ABR: variants seen among roughly 807,000 people sequenced by gnomAD.
The protein encoded by ABR is active breakpoint cluster region-related protein.
A neutral mutation model predicts 107.2 loss-of-function variants in ABR; 35 were observed. That is an observed-to-expected ratio of 0.33 (90% CI 0.25 to 0.43). The LOEUF (loss-of-function observed/expected upper bound fraction) is 0.43, where lower values mean the gene tolerates loss of function less well. ABR is among the 20% of genes least tolerant of loss of function. The probability of loss-of-function intolerance (pLI) is 1.00; values close to 1 mark genes in which losing one functional copy is unlikely to be tolerated. For missense variants in ABR, 815 were observed against 1,115.2 expected (o/e 0.73, Z 3.83); for synonymous variants, 498 against 462.0 (o/e 1.08, Z -1.00).
intron 2 of ABR, chr17:1,109,207 T>C (rs138356399): frequency 0.28 from 326,510 of 1,177,816 alleles, 47,529 homozygotes; most frequent in East Asian, 0.44. Context: ...GACCCGGGAC[T>C]GCATCCCGGA....
intron 16 of ABR, among the ~76,000 whole-genome samples, chr17:1,023,880 C>T (rs1234731047): frequency 1.3e-5 from 2 of 152,046 alleles, no homozygotes; most frequent in Non-Finnish European, 2.9e-5. Context: ...CAAAAATTAC[C>T]CCGGCGTGGT....
rs1161193936 is a variant in ABR at position 1,027,835 on chromosome 17, A to G, written c.1792-14671T>C. Among the ~76,000 whole-genome samples the G allele has an allele frequency of 6.6e-6, 1 of 151,894 alleles. No individual in the cohort carries two copies. Among genetic ancestry groups the G allele is most frequent in the African/African-American group, 2.4e-5 (1 of 41,344 alleles). On this transcript the variant is annotated intron_variant, in intron 16 of 22. Transcript: ENST00000302538. This position sits in a 1 kb window ranked among gnomAD's most constrained non-coding sequence, Gnocchi z 4.7. ...GCGGTGGGCAGCCGGGCCAGGCCAG[A>G]CTTCTATTGCAGAAGGCTGCGAGAT... is the stretch of plus-strand genomic sequence containing the variant.
chr17:1,109,020 C>T (rs765650415), intron 2 of ABR: 5 of 1,597,298 alleles, frequency 3.1e-6, no homozygotes, highest in African/African-American at 1.4e-5. Context: ...ACATCTTCGT[C>T]CTCCAGAACC....
At position 1,133,671 on chromosome 17, in the gene ABR, A is replaced by G. The variant is rs1053182588; in HGVS notation, c.62-8304T>C. Among the ~76,000 whole-genome samples, 10 of 152,214 alleles carry G rather than the reference A, an allele frequency of 6.6e-5. No homozygotes were observed. In the South Asian group the frequency reaches 8.3e-4, roughly 13 times the overall value. On this transcript the variant is annotated intron_variant, in intron 1 of 22. Coordinates refer to ENST00000302538, the MANE Select transcript of ABR (RefSeq NM_021962.5). ...TTCCGATTCTGGAAATTTTGAAAAAATTAATGTACGGTCTCTGCGCTCTAG... is the reference window on the plus strand; with the variant it reads ...TTCCGATTCTGGAAATTTTGAAAAAGTTAATGTACGGTCTCTGCGCTCTAG...
In ABR at chr17:1,070,158, G is replaced by T; in HGVS notation, c.895-68C>A. 1.9e-6 allele frequency: 3 copies of T among 1,592,552 alleles called. No individual in the cohort carries two copies. Among genetic ancestry groups the T allele is most frequent in the Non-Finnish European group, 2.6e-6 (3 of 1,167,850 alleles). On this transcript the variant is annotated intron_variant, in intron 8 of 22. Coordinates refer to ENST00000302538, the MANE Select transcript of ABR (RefSeq NM_021962.5). The surrounding 1 kb of genome is among the most constrained non-coding windows in gnomAD (Gnocchi z 4.2). ...GCGGCCGAGGGCAGAGCCTGCACAC[G>T]GGGGCACGGCCAGCCAGGGAGGACT...
rs111943779 is a variant in ABR at position 1,016,744 on chromosome 17, A to T, written c.1792-3580T>A. On this transcript the variant is annotated intron_variant, in intron 16 of 22. Coordinates refer to ENST00000302538, the MANE Select transcript of ABR (RefSeq NM_021962.5). ...ACAGGATGGCGAGATGCTGGCTCTCAGGCAGATGGCTTTCTGGCAATAGCA... is the reference window on the plus strand; with the variant it reads ...ACAGGATGGCGAGATGCTGGCTCTCTGGCAGATGGCTTTCTGGCAATAGCA... Among the ~76,000 whole-genome samples the T allele has an allele frequency of 5.9e-4, 90 of 152,240 alleles. 2 individuals carry two copies. Among genetic ancestry groups the T allele is most frequent in the African/African-American group, 2.1e-3 (86 of 41,466 alleles).
chr17:1,204,625 C>A (rs78789654), intron 1 of ABR, among the ~76,000 whole-genome samples: 2,171 of 152,258 alleles, frequency 0.014, 18 homozygotes, highest in Non-Finnish European at 0.023. Context: ...TGTGTTACAA[C>A]GGCCTATAGT....
chr17:1,012,011 G>A, intron 18 of ABR, 26 bp from the exon 19 acceptor site: 1 of 1,610,524 alleles, frequency 6.2e-7, no homozygotes. Flanking sequence ...AGGATGGGTG[G>A]AGGGCAGCCC....
In ABR at chr17:1,179,854, T is replaced by G; in HGVS notation, c.-127A>C. ...AGGGGCGAGGAGGCCGGGAACCAGGTCCCCGGGAGGAGCGCGGGGCGGCCG... is the reference window on the plus strand; with the variant it reads ...AGGGGCGAGGAGGCCGGGAACCAGGGCCCCGGGAGGAGCGCGGGGCGGCCG... On this transcript the variant is annotated 5_prime_UTR_variant, in exon 1 of 23. Transcript: ENST00000302538. This position sits in a 1 kb window ranked among gnomAD's most constrained non-coding sequence, Gnocchi z 4.9. The G allele has an allele frequency of 3.3e-6, 3 of 917,520 alleles. No individual in the cohort carries two copies. The highest frequency in any genetic ancestry group is 4.4e-6 in the Non-Finnish European group (3 of 676,396). The allele number at this position is 917,520 out of a possible 1,614,324, so 56.8% of individuals were successfully genotyped here. A position where few individuals can be genotyped will look rare whatever the true frequency, so the allele number is the denominator to read the frequency against.
At chr17:1,013,259 G>C in intron 16 of ABR, 95 bp from the exon 17 acceptor site, 1 of 1,219,416 alleles carries the variant, frequency 8.2e-7, no homozygotes. Context: ...CAGCTACACA[G>C]TCAGGAAGGC....
chr17:1,110,230 G>C (rs2038589313), intron 2 of ABR, among the ~76,000 whole-genome samples: 1 of 151,904 alleles, frequency 6.6e-6, no homozygotes, highest in African/African-American at 2.4e-5. Flanking sequence ...GGTCCCCCTG[G>C]CCCTAGTTCC....
chr17:1,128,970 A>G (rs73975642), intron 1 of ABR, among the ~76,000 whole-genome samples: 2,014 of 152,082 alleles, frequency 0.013, 60 homozygotes, highest in African/African-American at 0.046. Context: ...GCCAAATGCA[A>G]TTTGAGCCTC....
At chr17:1,223,633 T>C (rs2043160623) in intron 1 of ABR, among the ~76,000 whole-genome samples, 1 of 152,156 alleles carries the variant, frequency 6.6e-6, no homozygotes, top group South Asian at 2.1e-4. Flanking sequence ...TGTAAAGAAC[T>C]ACCCGAGACT....
intron 16 of ABR, among the ~76,000 whole-genome samples, chr17:1,018,188 G>T (rs778006569): frequency 2.6e-5 from 4 of 151,896 alleles, no homozygotes; most frequent in Non-Finnish European, 5.9e-5. Flanking sequence ...GACTACAGGC[G>T]CCCGCCACCA....
intron 1 of ABR, among the ~76,000 whole-genome samples, chr17:1,171,508 A>C (rs1362876439): frequency 6.6e-6 from 1 of 152,126 alleles, no homozygotes; most frequent in Admixed American, 6.5e-5. Context: ...GGTTTACCTG[A>C]GGCCTCCCAG....
chr17:1,185,506 G>T (rs879409515), intron 1 of ABR, among the ~76,000 whole-genome samples: 1 of 151,798 alleles, frequency 6.6e-6, no homozygotes, highest in African/African-American at 2.4e-5. Flanking sequence ...TTAGCTGGGC[G>T]TGGTGGCGGG....
intron 9 of ABR, among the ~76,000 whole-genome samples, chr17:1,067,617 A>G (rs1042177021): frequency 2.6e-5 from 4 of 152,212 alleles, no homozygotes; most frequent in Non-Finnish European, 5.9e-5. Context: ...TCCGTGTTCA[A>G]TATCCTTCAG....
At chr17:1,222,398 T>C (rs943577408) in intron 1 of ABR, among the ~76,000 whole-genome samples, 1 of 151,918 alleles carries the variant, frequency 6.6e-6, no homozygotes, top group African/African-American at 2.4e-5. Flanking sequence ...CTCTTCACAA[T>C]AGGGATGGGA....
At chr17:1,166,860 G>C (rs936270211) in intron 1 of ABR, among the ~76,000 whole-genome samples, 1 of 152,138 alleles carries the variant, frequency 6.6e-6, no homozygotes, top group Non-Finnish European at 1.5e-5. Context: ...ACATTAGCTG[G>C]GCATGGTGGC....
Sources: gnomAD v4.1 joint callset for allele counts (sites outside exome capture counted in the v4.1 genomes callset) on GRCh38, gnomAD v4.1.1 for gene constraint, Gnocchi (gnomAD v3.1) non-coding constraint, MANE v1.5 for transcripts, NCBI Gene and HGNC (gene_info 2026-07-23, HGNC 2026-07-21) for gene names.